Variants in PABPC4L observed in about 807,000 individuals in gnomAD.
PABPC4L encodes poly(A) binding protein cytoplasmic 4 like, also known as polyadenylate-binding protein 4-like.
For missense variants in PABPC4L, 452 were observed against 451.4 expected, an observed-to-expected ratio of 1.00 and a Z score of -0.01; for synonymous variants, 169 against 164.1, an observed-to-expected ratio of 1.03 and a Z score of -0.23.
chr4:133,949,310 G>A, the PABPC4L span, among the ~76,000 whole-genome samples: 2 of 152,110 alleles, frequency 1.3e-5, no homozygotes, highest in African/African-American at 4.8e-5. Context: ...ATTTCCACAA[G>A]GTGACTTGGC....
At chr4:134,057,350 T>C in the PABPC4L span, among the ~76,000 whole-genome samples, 1 of 152,218 alleles carries the variant, frequency 6.6e-6, no homozygotes, top group East Asian at 1.9e-4. Flanking sequence ...GAGTTACTGC[T>C]TCATACATGG....
the PABPC4L span, among the ~76,000 whole-genome samples, chr4:134,091,215 G>A: frequency 2.6e-5 from 4 of 151,442 alleles, no homozygotes; most frequent in South Asian, 2.1e-4. Context: ...CCTCATTTAC[G>A]CTTTCTACAT....
the PABPC4L span, among the ~76,000 whole-genome samples, chr4:134,173,742 G>T: frequency 6.6e-6 from 1 of 152,100 alleles, no homozygotes; most frequent in Non-Finnish European, 1.5e-5. Context: ...AATGATAAGT[G>T]CTTGAGGTGA....
the PABPC4L span, among the ~76,000 whole-genome samples, chr4:134,187,200 A>G: frequency 6.6e-6 from 1 of 151,994 alleles, no homozygotes; most frequent in Non-Finnish European, 1.5e-5. Flanking sequence ...GGGACATATA[A>G]CCAAAGGATT....
At chr4:134,082,051 A>G in the PABPC4L span, among the ~76,000 whole-genome samples, 1 of 152,168 alleles carries the variant, frequency 6.6e-6, no homozygotes, top group Non-Finnish European at 1.5e-5. Context: ...GGAAGAGGAA[A>G]TAAAGACAAA....
the PABPC4L span, among the ~76,000 whole-genome samples, chr4:134,023,827 T>G: frequency 6.6e-6 from 1 of 152,104 alleles, no homozygotes; most frequent in Non-Finnish European, 1.5e-5. Context: ...CTTATAAAGC[T>G]TGTAACTATG....
At chr4:133,978,900 A>G in the PABPC4L span, 1 of 152,322 alleles carries the variant, frequency 6.6e-6, no homozygotes, top group African/African-American at 2.4e-5. Context: ...ACATCTACAA[A>G]TACAATTAAC....
At chr4:134,111,880 G>A in the PABPC4L span, among the ~76,000 whole-genome samples, 105 of 152,030 alleles carry the variant, frequency 6.9e-4, 2 homozygotes, top group East Asian at 0.013. Flanking sequence ...TGTCAGCAGC[G>A]TGAAAACAGA....
the PABPC4L span, among the ~76,000 whole-genome samples, chr4:134,064,325 G>A: frequency 9.9e-5 from 15 of 151,740 alleles, no homozygotes; most frequent in Admixed American, 8.6e-4. Context: ...AGAGTCTCAG[G>A]ACACCTTATT....
At chr4:133,954,887 T>C in the PABPC4L span, among the ~76,000 whole-genome samples, 1 of 152,040 alleles carries the variant, frequency 6.6e-6, no homozygotes, top group Non-Finnish European at 1.5e-5. Flanking sequence ...GAGAGAAAGA[T>C]GGAGAATTTG....
At chr4:134,156,059 G>T in the PABPC4L span, among the ~76,000 whole-genome samples, 238 of 152,046 alleles carry the variant, frequency 1.6e-3, no homozygotes, top group Non-Finnish European at 2.8e-3. Context: ...AGTAACATTT[G>T]TAAAGTGTTA....
the PABPC4L span, among the ~76,000 whole-genome samples, chr4:134,025,081 A>G: frequency 6.6e-6 from 1 of 151,030 alleles, no homozygotes; most frequent in Non-Finnish European, 1.5e-5. Context: ...CTGTAATCCC[A>G]GCACTTTGGG....
At chr4:134,127,866 G>A in the PABPC4L span, among the ~76,000 whole-genome samples, 1 of 152,068 alleles carries the variant, frequency 6.6e-6, no homozygotes, top group Non-Finnish European at 1.5e-5. Flanking sequence ...GGAGGCACCA[G>A]AGAAAGGTAA....
the PABPC4L span, among the ~76,000 whole-genome samples, chr4:133,949,237 T>A: frequency 6.6e-6 from 1 of 152,190 alleles, no homozygotes; most frequent in African/African-American, 2.4e-5. Context: ...CTTTCCCCAA[T>A]AGCAGCCCAT....
chr4:133,985,506 T>C, the PABPC4L span, among the ~76,000 whole-genome samples: 1 of 151,972 alleles, frequency 6.6e-6, no homozygotes, highest in Non-Finnish European at 1.5e-5. Flanking sequence ...AAAATATAGA[T>C]ATTTCTCATA....
chr4:133,983,302 A>C, the PABPC4L span, among the ~76,000 whole-genome samples: 3 of 151,896 alleles, frequency 2.0e-5, no homozygotes, highest in Non-Finnish European at 4.4e-5. Context: ...GAAGGTAATA[A>C]CATCTATATA....
chr4:134,178,413 G>A, the PABPC4L span, among the ~76,000 whole-genome samples: 1 of 147,786 alleles, frequency 6.8e-6, no homozygotes, highest in Non-Finnish European at 1.5e-5. Context: ...TAACTTCAAG[G>A]CTGAACAAAC....
At chr4:134,138,886 A>G in the PABPC4L span, among the ~76,000 whole-genome samples, 1 of 151,850 alleles carries the variant, frequency 6.6e-6, no homozygotes, top group East Asian at 1.9e-4. Flanking sequence ...CAGACATTGG[A>G]TTTTCAATAT....
chr4:133,992,113 C>G, the PABPC4L span, among the ~76,000 whole-genome samples: 1 of 152,158 alleles, frequency 6.6e-6, no homozygotes, highest in Non-Finnish European at 1.5e-5. Context: ...GTCCCATCCC[C>G]CCATTGGCCC....
Sources: gnomAD v4.1 joint callset for allele counts (sites outside exome capture counted in the v4.1 genomes callset) on GRCh38, gnomAD v4.1.1 for gene constraint, MANE v1.5 for transcripts, NCBI Gene and HGNC (gene_info 2026-07-23, HGNC 2026-07-21) for gene names.